Variants in SUMF1 observed in about 807,000 individuals in gnomAD.
SUMF1 encodes the protein formylglycine-generating enzyme.
In SUMF1, 48 loss-of-function variants were observed where a neutral mutation model predicts 47.6. That is an observed-to-expected ratio of 1.01 (90% CI 0.80 to 1.28). The LOEUF is 1.28. Ranked by LOEUF, SUMF1 falls within the 50% of genes most tolerant of loss-of-function variation. SUMF1 has a pLI of 0.00. For synonymous variants in SUMF1, 230 were observed against 192.1 expected (o/e 1.20, Z -1.63); for missense variants, 571 against 485.4 (o/e 1.18, Z -1.66).
chr3:4,165,862 TCCCC>T (rs3048242), intron 8 of SUMF1, among the ~76,000 whole-genome samples: 50,454 of 139,252 alleles, frequency 0.36, 9,616 homozygotes, highest in East Asian at 0.43. Flanking sequence ...TTTGTTTGTT[TCCCC>T]CCCCCCCCCG....
At chr3:4,147,079 G>A (rs1694212959) in intron 8 of SUMF1, among the ~76,000 whole-genome samples, 2 of 151,200 alleles carry the variant, frequency 1.3e-5, no homozygotes, top group South Asian at 4.2e-4. Flanking sequence ...CATCATCACT[G>A]GCCATCAGAG....
chr3:4,087,051 A>G (rs923298584), intron 8 of SUMF1, among the ~76,000 whole-genome samples: 1 of 152,186 alleles, frequency 6.6e-6, no homozygotes, highest in Non-Finnish European at 1.5e-5. Flanking sequence ...CCCAAAAAAC[A>G]TCTAATAGAA....
At chr3:4,400,575 T>A (rs1701178310) in intron 7 of SUMF1, among the ~76,000 whole-genome samples, 1 of 152,206 alleles carries the variant, frequency 6.6e-6, no homozygotes, top group African/African-American at 2.4e-5. Flanking sequence ...GGGAAAGGAT[T>A]TTCCAAAGGG....
rs191259975 is a variant in SUMF1 at position 4,273,715 on chromosome 3, G to A, written c.1014+102615C>T. Among the ~76,000 whole-genome samples, 6 of 118,898 alleles carry A rather than the reference G, an allele frequency of 5.0e-5. No homozygotes were observed. In the East Asian group the frequency reaches 1.4e-3, roughly 28 times the overall value. The allele number at this position is 118,898 out of a possible 152,430, so 78.0% of individuals were successfully genotyped here. Reference sequence around the variant, plus strand: ...AGGGAGGATACGGGAGGGAGGATACGGGAGGGAGGATACGGGAGGGAGGAT... The same window carrying A: ...AGGGAGGATACGGGAGGGAGGATACAGGAGGGAGGATACGGGAGGGAGGAT... On this transcript the variant is annotated intron_variant and NMD_transcript_variant, in intron 8 of 12. Transcript: ENST00000448413.
chr3:4,108,433 T>C (rs139940314), intron 8 of SUMF1, among the ~76,000 whole-genome samples: 9,122 of 152,168 alleles, frequency 0.06, 713 homozygotes, highest in East Asian at 0.16. Context: ...TATATGTCTA[T>C]TAGGTCCGCT....
chr3:4,367,072 C>T (rs1199154098), intron 8 of SUMF1, among the ~76,000 whole-genome samples: 1 of 152,136 alleles, frequency 6.6e-6, no homozygotes, highest in African/African-American at 2.4e-5. Context: ...GATTGTTCCT[C>T]TGGAAGTTTT....
At chr3:4,256,640 AT>A (rs1696960160) in intron 8 of SUMF1, among the ~76,000 whole-genome samples, 1 of 151,670 alleles carries the variant, frequency 6.6e-6, no homozygotes, top group Non-Finnish European at 1.5e-5. Flanking sequence ...TACCAACCAA[AT>A]AGAGTCCAGG....
intron 3 of SUMF1, among the ~76,000 whole-genome samples, chr3:4,420,464 T>C (rs1377468188): frequency 6.6e-6 from 1 of 151,106 alleles, no homozygotes; most frequent in Non-Finnish European, 1.5e-5. Flanking sequence ...GGTTGCAATC[T>C]TGGCTCACTG....
intron 8 of SUMF1, among the ~76,000 whole-genome samples, chr3:4,323,030 C>G (rs1698869015): frequency 6.6e-6 from 1 of 152,060 alleles, no homozygotes; most frequent in African/African-American, 2.4e-5. Context: ...AGTATCCATA[C>G]AGTGAAATAT....
At chr3:4,410,731 G>A in intron 7 of SUMF1, 134 bp downstream of exon 7, 1 of 799,780 alleles carries the variant, frequency 1.3e-6, no homozygotes, top group East Asian at 2.5e-5. Flanking sequence ...CGCTTAATGT[G>A]CCTTTAGGGA....
At chr3:4,114,467 A>G (rs1693378750) in intron 8 of SUMF1, among the ~76,000 whole-genome samples, 1 of 152,174 alleles carries the variant, frequency 6.6e-6, no homozygotes, top group African/African-American at 2.4e-5. Context: ...TGTTCATATG[A>G]TTTTTAGAAT....
rs566752262 is a variant in SUMF1 at position 4,131,745 on chromosome 3, G to A, written c.1015-63000C>T. ...GAGTAGTCAAAAACTAAAGGTATTC[G>A]TATCCCATGTGAGTGCTCATCAATG... On this transcript the variant is annotated intron_variant and NMD_transcript_variant, in intron 8 of 12. Coordinates refer to the SUMF1 transcript ENST00000448413. Among the ~76,000 whole-genome samples the A allele has an allele frequency of 1.1e-4, 17 of 152,242 alleles. No individual in the cohort carries two copies. In the South Asian group the frequency reaches 1.4e-3, roughly 13 times the overall value.
chr3:4,218,954 C>G (rs184935767), intron 8 of SUMF1, among the ~76,000 whole-genome samples: 1 of 152,100 alleles, frequency 6.6e-6, no homozygotes, highest in South Asian at 2.1e-4. Flanking sequence ...AAGTCAGATT[C>G]TAGTAGGCAG....
intron 3 of SUMF1, among the ~76,000 whole-genome samples, chr3:4,430,175 A>T (rs1322844499): frequency 2.0e-5 from 3 of 152,214 alleles, no homozygotes; most frequent in Admixed American, 2.0e-4. Flanking sequence ...AGTTTTCCAT[A>T]AGATGGTAGT....
intron 8 of SUMF1, chr3:4,303,455 G>A: frequency 6.5e-7 from 1 of 1,538,762 alleles, no homozygotes; most frequent in Non-Finnish European, 8.7e-7. Flanking sequence ...TGAGCAGCTG[G>A]ATGTCGCGTG....
intron 9 of SUMF1, among the ~76,000 whole-genome samples, chr3:4,052,124 C>T (rs1426676162): frequency 2.6e-5 from 4 of 152,066 alleles, no homozygotes; most frequent in Admixed American, 1.3e-4. Flanking sequence ...ATCAAGGCAC[C>T]AGAAAATCTG....
intron 1 of SUMF1, among the ~76,000 whole-genome samples, chr3:4,453,539 T>TA (rs1290248492): frequency 8.6e-5 from 13 of 151,274 alleles, no homozygotes; most frequent in Non-Finnish European, 1.9e-4. Context: ...ACTAATTTTT[T>TA]TTTTTTTTTT....
At chr3:4,308,680 T>C (rs1465818869) in intron 8 of SUMF1, among the ~76,000 whole-genome samples, 1 of 152,232 alleles carries the variant, frequency 6.6e-6, no homozygotes, top group Non-Finnish European at 1.5e-5. Context: ...GAGCATTCCA[T>C]GTTCTGCACT....
chr3:4,110,486 T>A (rs970665189), intron 8 of SUMF1, among the ~76,000 whole-genome samples: 3 of 152,072 alleles, frequency 2.0e-5, no homozygotes, highest in Admixed American at 6.5e-5. Flanking sequence ...AGCCATCCCA[T>A]TACTGGGTAT....
Sources: allele counts gnomAD v4.1 joint callset (sites outside exome capture counted in the v4.1 genomes callset), GRCh38; gene constraint gnomAD v4.1.1; transcripts MANE v1.5; gene names NCBI Gene and HGNC (gene_info 2026-07-23, HGNC 2026-07-21).